Variants in GOLPH3 observed in about 807,000 individuals in gnomAD.
GOLPH3 encodes the protein golgi phosphoprotein 3, also known as coat protein GPP34.
In GOLPH3, 14 loss-of-function variants were observed where a neutral mutation model predicts 28.5. The observed-to-expected ratio is 0.49, with a 90% CI of 0.32 to 0.77. GOLPH3 has a LOEUF of 0.77. Ranked by LOEUF, GOLPH3 falls within the 30% of genes least tolerant of loss-of-function variation. The pLI is 0.03. For synonymous variants in GOLPH3, 158 were observed against 159.2 expected, an observed-to-expected ratio of 0.99 and a Z score of 0.06; for missense variants, 350 against 393.7, an observed-to-expected ratio of 0.89 and a Z score of 0.94.
chr5:32,140,881 G>C (rs1746046465), intron 2 of GOLPH3, among the ~76,000 whole-genome samples: 2 of 152,040 alleles, frequency 1.3e-5, no homozygotes, highest in Non-Finnish European at 2.9e-5. Flanking sequence ...AAAACAGTGG[G>C]CTGGGCATGA....
chr5:32,161,528 G>A (rs914473979), intron 1 of GOLPH3, among the ~76,000 whole-genome samples: 1 of 151,124 alleles, frequency 6.6e-6, no homozygotes, highest in African/African-American at 2.5e-5. Flanking sequence ...TTCTGATTTG[G>A]AGCATCAAGG....
rs574944756 is a variant in GOLPH3, at chr5:32,156,075, TA to T, written c.226-12196del. 1.2e-3 allele frequency among the ~76,000 whole-genome samples: 168 copies of T among 145,954 alleles called. 1 individual carries two copies. Among genetic ancestry groups the T allele is most frequent in the Non-Finnish European group, 1.6e-3 (107 of 66,746 alleles). ...CTCATGAATGCAATTAGTGCCCTTATAAAAGAGGCCCCAGAGAGTCCCTATG... is the reference window on the plus strand; with the variant it reads ...CTCATGAATGCAATTAGTGCCCTTATAAAGAGGCCCCAGAGAGTCCCTATG... On this transcript the variant is annotated intron_variant, in intron 1 of 3. Transcript: ENST00000265070.
At chr5:32,167,365 G>A (rs1296634116) in intron 1 of GOLPH3, among the ~76,000 whole-genome samples, 1 of 151,950 alleles carries the variant, frequency 6.6e-6, no homozygotes, top group African/African-American at 2.4e-5. Flanking sequence ...AGAGACAGGG[G>A]TTCACCATGT....
chr5:32,135,420 A>T (rs984108482), intron 3 of GOLPH3, 152 bp downstream of exon 3: 1 of 595,554 alleles, frequency 1.7e-6, no homozygotes, highest in Admixed American at 3.1e-5. Context: ...TATAAAAACC[A>T]TTACTTCCCC....
chr5:32,129,790 A>G (rs900984304), intron 3 of GOLPH3, among the ~76,000 whole-genome samples: 3 of 152,164 alleles, frequency 2.0e-5, no homozygotes, highest in Non-Finnish European at 2.9e-5. Flanking sequence ...TAGGCAGCAG[A>G]ATAGAATAAG....
intron 1 of GOLPH3, among the ~76,000 whole-genome samples, chr5:32,147,489 AATT>A (rs1274541132): frequency 6.6e-6 from 1 of 152,066 alleles, no homozygotes; most frequent in African/African-American, 2.4e-5. Flanking sequence ...AAACATGAAA[AATT>A]ATTATGAAAT....
intron 1 of GOLPH3, among the ~76,000 whole-genome samples, chr5:32,146,071 T>C (rs1326422086): frequency 1.3e-5 from 2 of 151,966 alleles, no homozygotes; most frequent in African/African-American, 4.8e-5. Context: ...GCAAGCAGAT[T>C]GCTTGAGCCC....
Position 32,158,091 on chromosome 5 carries a change from A to AAAATAAATAAATAAAT in GOLPH3, c.226-14227_226-14212dup, listed in dbSNP as rs371590080. On this transcript the variant is annotated intron_variant, in intron 1 of 3. Transcript: ENST00000265070. ...CAAAATCAGCTTTAAACTCTGTCTCAAAATAAATAAATAAATAAATAAATA... is the reference window on the plus strand; with the variant it reads ...CAAAATCAGCTTTAAACTCTGTCTCAAAATAAATAAATAAATAAATAAATAAATAAATAAATAAATA... 2.1e-3 allele frequency among the ~76,000 whole-genome samples: 89 copies of AAAATAAATAAATAAAT among 43,290 alleles called. 5 individuals carry two copies. Among genetic ancestry groups the AAAATAAATAAATAAAT allele is most frequent in the African/African-American group, 9.8e-3 (87 of 8,836 alleles). The allele number at this position is 43,290 out of a possible 152,430, so 28.4% of individuals were successfully genotyped here.
intron 3 of GOLPH3, among the ~76,000 whole-genome samples, chr5:32,134,188 A>G (rs1745884195): frequency 6.6e-6 from 1 of 152,082 alleles, no homozygotes; most frequent in Admixed American, 6.5e-5. Context: ...TGAGCAACAC[A>G]GCAAGGTCCT....
rs972047204 is a variant in GOLPH3 at position 32,158,444 on chromosome 5, T to C, written c.226-14564A>G. On this transcript the variant is annotated intron_variant, in intron 1 of 3. Transcript: ENST00000265070. ...AAATACCTTAAATCTCTAACATGTA[T>C]ACTAGCACCTGCCTATTGGCCTTCA... Among the ~76,000 whole-genome samples, 10 of 152,144 alleles carry C rather than the reference T, an allele frequency of 6.6e-5. No individual in the cohort carries two copies. The East Asian group carries it at 1.9e-3, about 29-fold the overall frequency.
intron 1 of GOLPH3, among the ~76,000 whole-genome samples, chr5:32,164,685 G>A (rs1162371459): frequency 6.6e-6 from 1 of 151,884 alleles, no homozygotes; most frequent in Non-Finnish European, 1.5e-5. Context: ...GTGAGCTACC[G>A]CGCCCGGCCA....
At chr5:32,158,115 TAAATAAATAAATAAAATACACACAC>T (rs1746485450) in intron 1 of GOLPH3, among the ~76,000 whole-genome samples, 5 of 102,688 alleles carry the variant, frequency 4.9e-5, no homozygotes, top group African/African-American at 2.1e-4. Context: ...AATAAATAAA[TAAATAAATAAATAAAATACACACAC>T]ACACACACAC....
intron 1 of GOLPH3, among the ~76,000 whole-genome samples, chr5:32,147,091 C>CA (rs986076987): frequency 1.3e-5 from 2 of 151,894 alleles, no homozygotes; most frequent in African/African-American, 2.4e-5. Context: ...TTTGTATTTA[C>CA]AAAAAAACTT....
In GOLPH3 at chr5:32,143,792, A is replaced by T; in HGVS notation, c.314T>A (p.Leu105Gln). 1 of 1,606,888 alleles carries T rather than the reference A, an allele frequency of 6.2e-7. No homozygotes were observed. The highest frequency in any genetic ancestry group is 8.5e-7 in the Non-Finnish European group (1 of 1,177,808). Reference protein sequence around the residue: ...IELALRGRLQLEACGMRRKSL... With the variant: ...IELALRGRLQQEACGMRRKSL... ...TTTACGTCTCATTCCACAAGCCTCT[A>T]GTTGTAACCTTCCTCTCAATGCTAA... is the stretch of plus-strand genomic sequence containing the variant. Residue 105 changes from leucine (L) to glutamine (Q), a missense_variant, in exon 2 of 4, where the codon CTA becomes CAA. Physicochemically the swap from Leu to Gln is moderately radical, Grantham distance 113. Coordinates refer to ENST00000265070, the MANE Select transcript of GOLPH3 (RefSeq NM_022130.4).
At chr5:32,143,983 T>C in intron 1 of GOLPH3, 103 bp from the exon 2 acceptor site, 1 of 689,510 alleles carries the variant, frequency 1.5e-6, no homozygotes, top group Non-Finnish European at 2.2e-6. Context: ...TGGTGCCTTT[T>C]ACCTTTCCTG....
At chr5:32,166,363 A>C (rs1228282518) in intron 1 of GOLPH3, among the ~76,000 whole-genome samples, 1 of 152,214 alleles carries the variant, frequency 6.6e-6, no homozygotes, top group Non-Finnish European at 1.5e-5. Flanking sequence ...CTAAGTCAAA[A>C]ACCTCAAAAT....
chr5:32,165,806 G>A (rs1400190491), intron 1 of GOLPH3, among the ~76,000 whole-genome samples: 1 of 152,166 alleles, frequency 6.6e-6, no homozygotes, highest in African/African-American at 2.4e-5. Flanking sequence ...TCCTAGATTA[G>A]AAGCAGTTAT....
intron 3 of GOLPH3, among the ~76,000 whole-genome samples, chr5:32,128,641 A>G (rs900106824): frequency 6.6e-6 from 1 of 152,144 alleles, no homozygotes. Context: ...AACCTAGGCA[A>G]CAAGAGTGAA....
At chr5:32,151,014 G>GT (rs1746292781) in intron 1 of GOLPH3, among the ~76,000 whole-genome samples, 1 of 152,104 alleles carries the variant, frequency 6.6e-6, no homozygotes, top group African/African-American at 2.4e-5. Flanking sequence ...GTGAAATAAC[G>GT]TAAGTACTAG....
Sources: gnomAD v4.1 joint callset for allele counts (sites outside exome capture counted in the v4.1 genomes callset) on GRCh38, gnomAD v4.1.1 for gene constraint, MANE v1.5 for transcripts, NCBI Gene and HGNC (gene_info 2026-07-23, HGNC 2026-07-21) for gene names.